Variants in AFG1L observed in about 807,000 individuals in gnomAD.
The protein encoded by AFG1L is AFG1 like ATPase.
AFG1L carries 53 observed loss-of-function variants against 62.2 expected under a neutral mutation model. That is an observed-to-expected ratio of 0.85 (90% CI 0.68 to 1.07). AFG1L has a LOEUF of 1.07. AFG1L is among the 50% of genes least tolerant of loss of function. The pLI is 0.00. For synonymous variants in AFG1L, 228 were observed against 210.3 expected, an observed-to-expected ratio of 1.08 and a Z score of -0.73; for missense variants, 555 against 590.5, an observed-to-expected ratio of 0.94 and a Z score of 0.62.
chr6:108,336,334 A>G (rs1269534527), intron 2 of AFG1L, among the ~76,000 whole-genome samples: 3 of 152,200 alleles, frequency 2.0e-5, no homozygotes, highest in African/African-American at 7.2e-5. Context: ...ACAAATTGAA[A>G]ACAACACTTT....
chr6:108,429,419 C>G (rs1770967167), intron 7 of AFG1L, among the ~76,000 whole-genome samples: 1 of 152,100 alleles, frequency 6.6e-6, no homozygotes, highest in African/African-American at 2.4e-5. Flanking sequence ...GAGACTTATT[C>G]ACTACCACAG....
chr6:108,485,656 A>AT (rs397842829), intron 10 of AFG1L, among the ~76,000 whole-genome samples: 8 of 25,032 alleles, frequency 3.2e-4, no homozygotes, highest in South Asian at 3.0e-3. Context: ...ATATATATAT[A>AT]TTTTTTTTTT....
chr6:108,443,890 A>G (rs1291604141), intron 7 of AFG1L, among the ~76,000 whole-genome samples: 1 of 151,952 alleles, frequency 6.6e-6, no homozygotes, highest in African/African-American at 2.4e-5. Context: ...AAAAAATTGC[A>G]TTTTTTCATT....
At chr6:108,431,238 G>A (rs1771058901) in intron 7 of AFG1L, among the ~76,000 whole-genome samples, 2 of 151,850 alleles carry the variant, frequency 1.3e-5, no homozygotes, top group African/African-American at 4.8e-5. Flanking sequence ...TGAGTAGCTG[G>A]GATTAGAGGC....
At chr6:108,433,502 G>C (rs1408505133) in intron 7 of AFG1L, among the ~76,000 whole-genome samples, 1 of 151,940 alleles carries the variant, frequency 6.6e-6, no homozygotes, top group African/African-American at 2.4e-5. Flanking sequence ...GGCCAGGCTG[G>C]TCTCGAACTC....
Position 108,460,670 on chromosome 6 carries a change from A to G in AFG1L, c.890+13374A>G, listed in dbSNP as rs2114778579. Among the ~76,000 whole-genome samples, 2 of 152,256 alleles carry G rather than the reference A, an allele frequency of 1.3e-5. 1 individual carries two copies. Among genetic ancestry groups the G allele is most frequent in the South Asian group, 4.1e-4 (2 of 4,828 alleles). ...TAGTCTCAAACTCCTGGGCTCAAGA[A>G]GTCCTGGCCAGGCGTGGTGGCTCAC... On this transcript the variant is annotated intron_variant, in intron 8 of 12. Transcript: ENST00000368977.
intron 5 of AFG1L, among the ~76,000 whole-genome samples, chr6:108,360,719 C>T (rs929797848): frequency 6.6e-6 from 1 of 152,094 alleles, no homozygotes; most frequent in African/African-American, 2.4e-5. Context: ...GAAGTGATCT[C>T]TGCTAGTTTC....
chr6:108,354,716 C>G (rs192051490), intron 3 of AFG1L, among the ~76,000 whole-genome samples: 14 of 152,012 alleles, frequency 9.2e-5, no homozygotes, highest in African/African-American at 3.4e-4. Flanking sequence ...TGGGATGGAA[C>G]GGGGTGACAT....
At chr6:108,337,649 G>T (rs1222925979) in intron 2 of AFG1L, among the ~76,000 whole-genome samples, 3 of 152,138 alleles carry the variant, frequency 2.0e-5, no homozygotes, top group Non-Finnish European at 4.4e-5. Context: ...GTGATAAAGA[G>T]ATCTTAGTTC....
intron 8 of AFG1L, among the ~76,000 whole-genome samples, chr6:108,449,129 C>G (rs1053709470): frequency 6.7e-6 from 1 of 148,880 alleles, no homozygotes; most frequent in Admixed American, 6.7e-5. Context: ...GCCTGGGCGA[C>G]AGAGCAAGAC....
At chr6:108,348,640 C>G (rs1007307076) in intron 3 of AFG1L, among the ~76,000 whole-genome samples, 2 of 152,146 alleles carry the variant, frequency 1.3e-5, no homozygotes, top group African/African-American at 4.8e-5. Flanking sequence ...ACTTTTGAGA[C>G]CAATGTATAC....
intron 1 of AFG1L, among the ~76,000 whole-genome samples, chr6:108,312,695 A>G (rs2114842141): frequency 6.6e-6 from 1 of 152,332 alleles, no homozygotes; most frequent in African/African-American, 2.4e-5. Flanking sequence ...AACAGTGTCA[A>G]TACAATTAAG....
chr6:108,500,171 C>T (rs868787832), intron 10 of AFG1L, among the ~76,000 whole-genome samples: 182 of 135,114 alleles, frequency 1.3e-3, no homozygotes, highest in African/African-American at 3.6e-3. Context: ...ATGGTGCGTG[C>T]GTGTGTGTGT....
intron 7 of AFG1L, among the ~76,000 whole-genome samples, chr6:108,421,914 A>G (rs1314430906): frequency 6.6e-6 from 1 of 152,142 alleles, no homozygotes; most frequent in Non-Finnish European, 1.5e-5. Context: ...CACATAAAAG[A>G]TGTATGCATT....
intron 6 of AFG1L, among the ~76,000 whole-genome samples, chr6:108,376,898 T>A (rs1480119055): frequency 2.6e-5 from 4 of 152,152 alleles, no homozygotes; most frequent in African/African-American, 9.7e-5. Flanking sequence ...TAGGTACTTG[T>A]TTTATGAATC....
intron 7 of AFG1L, among the ~76,000 whole-genome samples, chr6:108,440,550 A>C (rs1771497763): frequency 6.6e-6 from 1 of 151,964 alleles, no homozygotes; most frequent in South Asian, 2.1e-4. Flanking sequence ...AATAAGAAAA[A>C]GTCTCGACTG....
intron 11 of AFG1L, among the ~76,000 whole-genome samples, chr6:108,513,685 G>T (rs1357749558): frequency 6.6e-6 from 1 of 152,170 alleles, no homozygotes; most frequent in Non-Finnish European, 1.5e-5. Context: ...CCACCTCTGG[G>T]GGCAGGGCAT....
chr6:108,320,975 G>T (rs1777792987), intron 1 of AFG1L, among the ~76,000 whole-genome samples: 1 of 152,170 alleles, frequency 6.6e-6, no homozygotes, highest in African/African-American at 2.4e-5. Context: ...AAAAGAGGGG[G>T]TGGAGAAGAG....
rs185358765 is a variant in AFG1L, at chr6:108,433,340, C to T, written c.808-13874C>T. On this transcript the variant is annotated intron_variant, in intron 7 of 12. Coordinates refer to ENST00000368977, the MANE Select transcript of AFG1L (RefSeq NM_145315.5). Reference sequence around the variant, plus strand: ...AGTCGCCCAGGCTGGAGTGCAGTGGCGCGACTTCAGCTCATTGCAACCTCC... The same window carrying T: ...AGTCGCCCAGGCTGGAGTGCAGTGGTGCGACTTCAGCTCATTGCAACCTCC... 9.4e-3 allele frequency among the ~76,000 whole-genome samples: 1,426 copies of T among 152,026 alleles called. 11 individuals carry two copies. Among genetic ancestry groups the T allele is most frequent in the Middle Eastern group, 0.02 (6 of 294 alleles).
Sources: allele counts gnomAD v4.1 joint callset (sites outside exome capture counted in the v4.1 genomes callset), GRCh38; gene constraint gnomAD v4.1.1; transcripts MANE v1.5; gene names NCBI Gene and HGNC (gene_info 2026-07-23, HGNC 2026-07-21).